WDR72: variants seen among roughly 807,000 people sequenced by gnomAD.
WDR72 encodes the protein WD repeat-containing protein 72.
Under a neutral mutation model 124.2 loss-of-function variants are expected in WDR72, and 120 were observed. The ratio of observed to expected loss-of-function variants is 0.97; its 90% CI spans 0.83 to 1.12. WDR72 has a LOEUF of 1.12. Ranked by LOEUF, WDR72 falls within the 50% of genes most tolerant of loss-of-function variation. WDR72 has a pLI of 0.00. For synonymous variants in WDR72, 452 were observed against 441.7 expected, an observed-to-expected ratio of 1.02 and a Z score of -0.29; for missense variants, 1,387 against 1,278.8, an observed-to-expected ratio of 1.08 and a Z score of -1.29.
intron 1 of WDR72, among the ~76,000 whole-genome samples, chr15:53,755,495 G>A (rs1249160806): frequency 1.6e-4 from 24 of 152,210 alleles, no homozygotes; most frequent in Admixed American, 1.4e-3. Context: ...TTAGCACAGG[G>A]TTTTGCACAT....
At chr15:53,711,908 G>T (rs2140548506) in intron 7 of WDR72, among the ~76,000 whole-genome samples, 1 of 152,200 alleles carries the variant, frequency 6.6e-6, no homozygotes, top group South Asian at 2.1e-4. Context: ...GTATAGTTTT[G>T]TTAACTGAGC....
intron 13 of WDR72, chr15:53,684,137 T>C (rs2016506420): frequency 6.6e-6 from 1 of 152,180 alleles, no homozygotes; most frequent in South Asian, 2.1e-4. Flanking sequence ...GCAGGTATAA[T>C]AGACGAACCT....
At chr15:53,518,292 C>CTAAT (rs1209007598) in intron 19 of WDR72, among the ~76,000 whole-genome samples, 3 of 152,022 alleles carry the variant, frequency 2.0e-5, no homozygotes, top group Non-Finnish European at 4.4e-5. Flanking sequence ...GACTACCAAA[C>CTAAT]TAATTGGAAC....
intron 18 of WDR72, among the ~76,000 whole-genome samples, chr15:53,595,049 C>T (rs745902489): frequency 3.9e-5 from 6 of 151,932 alleles, no homozygotes; most frequent in Non-Finnish European, 7.4e-5. Context: ...AAATAATATA[C>T]GCCCAGCATT....
Position 53,688,741 on chromosome 15 carries a change from G to A in WDR72, c.1765+11009C>T, listed in dbSNP as rs566496760. Among the ~76,000 whole-genome samples, 296 of 152,128 alleles carry A rather than the reference G, an allele frequency of 1.9e-3. 2 individuals carry two copies. The highest frequency in any genetic ancestry group is 6.9e-3 in the African/African-American group (287 of 41,488). On this transcript the variant is annotated intron_variant, in intron 13 of 19. Coordinates refer to ENST00000360509, the MANE Select transcript of WDR72 (RefSeq NM_182758.4). ...TTAAAGTTCATATAGAACCAAAAAA[G>A]AGCCCGCATCGCCAAGTCAATCCTA...
chr15:53,596,184 C>T (rs2012763664), intron 18 of WDR72, among the ~76,000 whole-genome samples: 1 of 152,050 alleles, frequency 6.6e-6, no homozygotes, highest in South Asian at 2.1e-4. Context: ...ACAATTTAAC[C>T]ACCTGTAATA....
chr15:53,678,507 C>A (rs917863375), intron 13 of WDR72, among the ~76,000 whole-genome samples: 1 of 152,130 alleles, frequency 6.6e-6, no homozygotes, highest in Admixed American at 6.5e-5. Context: ...TTCTTACTAT[C>A]ATCCTTATTT....
rs564802777 is a variant in WDR72, at chr15:53,612,755, G to A, written c.2872+911C>T. Among the ~76,000 whole-genome samples, 122 of 152,168 alleles carry A rather than the reference G, an allele frequency of 8.0e-4. 1 individual carries two copies. The Middle Eastern group carries it at 0.01, about 13-fold the overall frequency. On this transcript the variant is annotated intron_variant, in intron 16 of 19. Transcript: ENST00000360509. The stretch of plus-strand genomic sequence containing the variant: ...AGCCACCAGAAGGTTATACATAGAC[G>A]AGTGAGGTTCTGACTTAGTTCTGAA...
chr15:53,533,384 A>ATGAC (rs10644569), intron 18 of WDR72, among the ~76,000 whole-genome samples: 25 of 151,710 alleles, frequency 1.6e-4, no homozygotes, highest in Admixed American at 5.3e-4. Context: ...ACCCATTAAG[A>ATGAC]TATACCCTCC....
At chr15:53,541,278 G>C (rs1396501488) in intron 18 of WDR72, among the ~76,000 whole-genome samples, 2 of 152,196 alleles carry the variant, frequency 1.3e-5, no homozygotes, top group African/African-American at 4.8e-5. Context: ...GGTTCTCCCA[G>C]TACGCAGCTG....
At position 53,605,183 on chromosome 15, in the gene WDR72, T is replaced by G. The variant is rs577835807; in HGVS notation, c.2952+4330A>C. On this transcript the variant is annotated intron_variant, in intron 17 of 19. Coordinates refer to ENST00000360509, the MANE Select transcript of WDR72 (RefSeq NM_182758.4). ...ATAAAAGAGAACAAGATCACGTGCT[T>G]TGCACTGACATGGATGGAGTCGGCG... Among the ~76,000 whole-genome samples, 18 of 152,330 alleles carry G rather than the reference T, an allele frequency of 1.2e-4. 1 individual carries two copies. The South Asian group carries it at 3.5e-3, about 30-fold the overall frequency.
At chr15:53,705,894 A>G (rs551234174) in intron 10 of WDR72, 33 bp downstream of exon 10, 38 of 1,613,234 alleles carry the variant, frequency 2.4e-5, no homozygotes, top group Non-Finnish European at 3.2e-5. Flanking sequence ...TCATTCTCAG[A>G]AGACATGTTA....
intron 14 of WDR72, among the ~76,000 whole-genome samples, chr15:53,623,486 T>C (rs189370280): frequency 3.3e-5 from 5 of 151,034 alleles, no homozygotes; most frequent in Admixed American, 3.3e-4. Flanking sequence ...ATATTATATA[T>C]ATATATATAC....
chr15:53,657,304 A>G (rs2015463841), intron 14 of WDR72, among the ~76,000 whole-genome samples: 1 of 151,096 alleles, frequency 6.6e-6, no homozygotes, highest in Non-Finnish European at 1.5e-5. Context: ...GAAGGAAAAA[A>G]GAAATAAGGA....
chr15:53,518,071 T>C (rs1891561941), intron 19 of WDR72, among the ~76,000 whole-genome samples: 1 of 150,124 alleles, frequency 6.7e-6, no homozygotes, highest in Admixed American at 6.7e-5. Flanking sequence ...GGAAGTTTTC[T>C]ATAAGAAAAA....
At chr15:53,720,328 T>C (rs548488117) in intron 3 of WDR72, among the ~76,000 whole-genome samples, 104 of 152,312 alleles carry the variant, frequency 6.8e-4, no homozygotes, top group Non-Finnish European at 1.3e-3. Flanking sequence ...TTATATGCTA[T>C]TGTTGACCAG....
intron 18 of WDR72, among the ~76,000 whole-genome samples, chr15:53,523,596 C>T (rs1306287188): frequency 6.6e-6 from 1 of 151,958 alleles, no homozygotes; most frequent in Non-Finnish European, 1.5e-5. Flanking sequence ...GTGATCTCTT[C>T]GAAGTAGAAA....
At chr15:53,696,879 G>C (rs975188740) in intron 13 of WDR72, among the ~76,000 whole-genome samples, 1 of 152,198 alleles carries the variant, frequency 6.6e-6, no homozygotes, top group Non-Finnish European at 1.5e-5. Context: ...ATAGAAAGTT[G>C]GGCCACCAGC....
chr15:53,588,604 C>A (rs2012340498), intron 18 of WDR72, among the ~76,000 whole-genome samples: 2 of 151,948 alleles, frequency 1.3e-5, no homozygotes, highest in Non-Finnish European at 2.9e-5. Context: ...ATTCCAAGGG[C>A]ACTGGGACAA....
Sources: allele counts gnomAD v4.1 joint callset (sites outside exome capture counted in the v4.1 genomes callset), GRCh38; gene constraint gnomAD v4.1.1; transcripts MANE v1.5; gene names NCBI Gene and HGNC (gene_info 2026-07-23, HGNC 2026-07-21).